TRHDE: variants seen among roughly 807,000 people sequenced by gnomAD.
The protein encoded by TRHDE is thyrotropin-releasing hormone-degrading ectoenzyme.
Under a neutral mutation model 125.7 loss-of-function variants are expected in TRHDE, and 72 were observed. The observed-to-expected ratio is 0.57, with a 90% CI of 0.47 to 0.70. TRHDE has a LOEUF of 0.70. Among genes scored for constraint, TRHDE ranks in the 30% least tolerant of loss-of-function variants. The probability of loss-of-function intolerance (pLI) is 0.00; values close to 1 mark genes in which losing one functional copy is unlikely to be tolerated. For synonymous variants in TRHDE, 509 were observed against 509.1 expected (o/e 1.00, Z 0.00); for missense variants, 1,110 against 1,327.1 (o/e 0.84, Z 2.54).
At chr12:72,256,784 G>A (rs1306544436) in intron 2 of TRHDE, 1 of 152,156 alleles carries the variant, frequency 6.6e-6, no homozygotes, top group Non-Finnish European at 1.5e-5. Flanking sequence ...AATATCTAAG[G>A]AGAGCTGCAG....
intron 3 of TRHDE, among the ~76,000 whole-genome samples, chr12:72,389,401 A>G (rs1296203558): frequency 2.0e-5 from 3 of 152,180 alleles, no homozygotes; most frequent in Admixed American, 1.3e-4. Context: ...CCATTGAAAG[A>G]TTTGCTCTTT....
chr12:72,192,002 A>G (rs999755669), intron 2 of TRHDE, among the ~76,000 whole-genome samples: 1 of 152,136 alleles, frequency 6.6e-6, no homozygotes, highest in African/African-American at 2.4e-5. Context: ...ATTTTGGGGG[A>G]ATTTCAAAAC....
chr12:72,267,025 T>C (rs1879084400), intron 2 of TRHDE, among the ~76,000 whole-genome samples: 1 of 152,140 alleles, frequency 6.6e-6, no homozygotes, highest in Non-Finnish European at 1.5e-5. Context: ...GCCATATTTA[T>C]CTGGAAACAT....
intron 2 of TRHDE, among the ~76,000 whole-genome samples, chr12:72,266,525 G>A (rs924147307): frequency 1.1e-4 from 16 of 148,824 alleles, no homozygotes; most frequent in African/African-American, 3.2e-4. Flanking sequence ...CTTTGTTCAG[G>A]GTCATACTAG....
intron 12 of TRHDE, among the ~76,000 whole-genome samples, chr12:72,600,020 T>G (rs534378457): frequency 2.6e-5 from 4 of 152,252 alleles, no homozygotes; most frequent in African/African-American, 7.2e-5. Flanking sequence ...CATTGCTTAT[T>G]TTTGTCAACT....
At position 72,182,525 on chromosome 12, in the gene TRHDE, C is replaced by T. The variant is rs145312157; in HGVS notation, n.279+76773C>T. The stretch of plus-strand genomic sequence containing the variant: ...TGGCTGGCTTCTTACCTCTTACCTC[C>T]GTAGTTGAAGTTTTCTTCTAGTAGC... On this transcript the variant is annotated intron_variant and non_coding_transcript_variant, in intron 2 of 4. Coordinates refer to the TRHDE transcript ENST00000548156. 6.0e-4 allele frequency among the ~76,000 whole-genome samples: 92 copies of T among 152,252 alleles called. 1 individual carries two copies. In the East Asian group the frequency reaches 0.016, roughly 27 times the overall value.
chr12:72,536,750 G>A (rs903363906), intron 6 of TRHDE, among the ~76,000 whole-genome samples: 1 of 152,058 alleles, frequency 6.6e-6, no homozygotes, highest in Admixed American at 6.6e-5. Context: ...CCATAAAGAA[G>A]CTTTATGTCT....
At chr12:72,524,888 A>G (rs1021138694) in intron 6 of TRHDE, among the ~76,000 whole-genome samples, 1 of 152,178 alleles carries the variant, frequency 6.6e-6, no homozygotes, top group African/African-American at 2.4e-5. Flanking sequence ...AGGAAAACAG[A>G]CAATCCTGGG....
chr12:72,450,233 C>G (rs1161840070), intron 3 of TRHDE, among the ~76,000 whole-genome samples: 1 of 151,988 alleles, frequency 6.6e-6, no homozygotes. Flanking sequence ...TTATCTCTTA[C>G]TTAGACTACT....
At chr12:72,388,633 T>C (rs552028600) in intron 3 of TRHDE, among the ~76,000 whole-genome samples, 86 of 152,288 alleles carry the variant, frequency 5.6e-4, no homozygotes, top group Non-Finnish European at 1.1e-3. Context: ...CTGTACCTTA[T>C]AAACTACCAA....
chr12:72,154,150 A>G (rs2139323476), intron 2 of TRHDE, among the ~76,000 whole-genome samples: 1 of 152,266 alleles, frequency 6.6e-6, no homozygotes, highest in East Asian at 1.9e-4. Flanking sequence ...CCATTATGTA[A>G]TGGCCTTCTT....
intron 2 of TRHDE, among the ~76,000 whole-genome samples, chr12:72,131,429 T>A (rs1275613688): frequency 2.0e-5 from 3 of 152,228 alleles, no homozygotes; most frequent in African/African-American, 7.2e-5. Context: ...ATTTAATTTT[T>A]AAATTTATAG....
chr12:72,342,932 T>C (rs148162903), intron 2 of TRHDE, among the ~76,000 whole-genome samples: 24 of 152,290 alleles, frequency 1.6e-4, no homozygotes, highest in African/African-American at 5.5e-4. Context: ...GGCACTGTTG[T>C]GCGTGCTTTA....
intron 2 of TRHDE, among the ~76,000 whole-genome samples, chr12:72,305,352 C>A (rs1407592752): frequency 4.6e-5 from 7 of 152,164 alleles, no homozygotes; most frequent in African/African-American, 1.4e-4. Context: ...CTAAAAGGCT[C>A]CAGCCTAAGT....
chr12:72,176,203 G>T (rs1876983842), intron 2 of TRHDE, among the ~76,000 whole-genome samples: 1 of 152,030 alleles, frequency 6.6e-6, no homozygotes. Context: ...CCAAAAAAAA[G>T]AGGCCAAACT....
At position 72,379,744 on chromosome 12, in the gene TRHDE, T is replaced by G. The variant is rs189711599; in HGVS notation, c.1315+1623T>G. 1.4e-4 allele frequency among the ~76,000 whole-genome samples: 22 copies of G among 152,326 alleles called. No homozygotes were observed. In the East Asian group the frequency reaches 4.0e-3, roughly 28 times the overall value. ...ATTGAACCACGCAGCCTTTCATCTG[T>G]AGAAAAGAGCTTTGCTCACCATTGC... On this transcript the variant is annotated intron_variant, in intron 3 of 18. Coordinates refer to ENST00000261180, the MANE Select transcript of TRHDE (RefSeq NM_013381.3).
intron 2 of TRHDE, among the ~76,000 whole-genome samples, chr12:72,339,299 A>C (rs1355002604): frequency 2.0e-5 from 3 of 152,054 alleles, no homozygotes; most frequent in Non-Finnish European, 4.4e-5. Flanking sequence ...TTCCTCCTTT[A>C]CCTTTCCAAT....
At chr12:72,162,689 G>A (rs1876661525) in intron 2 of TRHDE, among the ~76,000 whole-genome samples, 1 of 152,140 alleles carries the variant, frequency 6.6e-6, no homozygotes, top group Non-Finnish European at 1.5e-5. Context: ...AGCTCTGAGT[G>A]ATAAAGTAAT....
At chr12:72,213,893 C>A (rs1436406999) in intron 2 of TRHDE, among the ~76,000 whole-genome samples, 1 of 152,046 alleles carries the variant, frequency 6.6e-6, no homozygotes, top group African/African-American at 2.4e-5. Flanking sequence ...TACTTTAGAT[C>A]TCCTTAACTT....
Sources: gnomAD v4.1 joint callset for allele counts (sites outside exome capture counted in the v4.1 genomes callset) on GRCh38, gnomAD v4.1.1 for gene constraint, MANE v1.5 for transcripts, NCBI Gene and HGNC (gene_info 2026-07-23, HGNC 2026-07-21) for gene names.